ADD3: variants seen among roughly 807,000 people sequenced by gnomAD.
ADD3 encodes gamma-adducin.
A neutral mutation model predicts 80.2 loss-of-function variants in ADD3; 25 were observed. That is an observed-to-expected ratio of 0.31 (90% CI 0.23 to 0.44). The LOEUF (loss-of-function observed/expected upper bound fraction) is 0.44. Ranked by LOEUF, ADD3 falls within the 20% of genes least tolerant of loss-of-function variation. The pLI, the probability that ADD3 is intolerant of heterozygous loss-of-function variation, is 1.00. For synonymous variants in ADD3, 284 were observed against 289.6 expected (o/e 0.98, Z 0.20); for missense variants, 829 against 847.5 (o/e 0.98, Z 0.27).
intron 14 of ADD3, 188 bp downstream of exon 14, chr10:110,132,588 AT>A (rs1342253792): frequency 3.6e-6 from 2 of 558,616 alleles, no homozygotes; most frequent in Non-Finnish European, 6.3e-6. Context: ...CAGCATTTAT[AT>A]TGATTTACCT....
Position 110,130,411 on chromosome 10 carries a change from C to T in ADD3, c.1657C>T (p.Pro553Ser), listed in dbSNP as rs1374624285. 6.2e-7 allele frequency: 1 copy of T among 1,613,988 alleles called. No homozygotes were observed. The highest frequency in any genetic ancestry group is 1.7e-5 in the Admixed American group (1 of 60,020). Residue 553 changes from proline to serine, a missense_variant, in exon 13 of 15, where the codon CCA (proline) becomes TCA (serine). By Grantham distance (74) the Pro-to-Ser change is moderately conservative. Coordinates refer to ENST00000356080, the MANE Select transcript of ADD3 (RefSeq NM_016824.5). Reference protein sequence around the residue: ...DDHGPPAPPNPFSHLTEGELE... With the variant: ...DDHGPPAPPNSFSHLTEGELE... ...TCATGGCCCACCAGCTCCTCCTAAC[C>T]CATTTAGTCATCTCACAGAAGGAGA...
chr10:110,034,764 T>A (rs1449372327), intron 1 of ADD3, among the ~76,000 whole-genome samples: 1 of 152,224 alleles, frequency 6.6e-6, no homozygotes, highest in Non-Finnish European at 1.5e-5. Flanking sequence ...CTGAGAATGT[T>A]TTTTAAAAAA....
At chr10:110,107,978 C>G (rs910553405) in intron 2 of ADD3, among the ~76,000 whole-genome samples, 13 of 152,132 alleles carry the variant, frequency 8.5e-5, no homozygotes, top group Admixed American at 7.2e-4. Flanking sequence ...ACCTCCTCTT[C>G]TATGCTCTTC....
rs568075003 is a variant in ADD3 at position 110,134,348 on chromosome 10, T to A, written c.*730T>A. On this transcript the variant is annotated 3_prime_UTR_variant, in exon 15 of 15. Coordinates refer to ENST00000356080, the MANE Select transcript of ADD3 (RefSeq NM_016824.5). ...ACTCTGGCAAAAAAAAAAAAAAAAA[T>A]TTTGTATGTTGATGTTTGTATACCG... The A allele has an allele frequency of 2.7e-3, 400 of 150,350 alleles. No individual in the cohort carries two copies. Among genetic ancestry groups the A allele is most frequent in the Non-Finnish European group, 4.0e-3 (271 of 67,344 alleles). The allele number at this position is 150,350 out of a possible 1,614,324, so 9.3% of individuals were successfully genotyped here. A position where few individuals can be genotyped will look rare whatever the true frequency, so the allele number is the denominator to read the frequency against.
At chr10:110,031,694 C>T (rs1453698841) in intron 1 of ADD3, among the ~76,000 whole-genome samples, 1 of 151,490 alleles carries the variant, frequency 6.6e-6, no homozygotes, top group East Asian at 1.9e-4. Flanking sequence ...ACCCTCCTAC[C>T]CTATCTGGTA....
chr10:110,123,334 A>C (rs1028619071), intron 9 of ADD3, among the ~76,000 whole-genome samples: 1 of 152,216 alleles, frequency 6.6e-6, no homozygotes, highest in Admixed American at 6.5e-5. Context: ...ATTGCTACCA[A>C]CAGTGTGCAA....
intron 1 of ADD3, among the ~76,000 whole-genome samples, chr10:110,011,505 C>T (rs147797887): frequency 6.6e-6 from 1 of 152,070 alleles, no homozygotes; most frequent in African/African-American, 2.4e-5. Flanking sequence ...AACAAGCATG[C>T]GTTGAATTGA....
chr10:110,043,610 T>C (rs1856605219), intron 1 of ADD3, among the ~76,000 whole-genome samples: 1 of 152,212 alleles, frequency 6.6e-6, no homozygotes, highest in African/African-American at 2.4e-5. Context: ...TAAGAGTAGA[T>C]TGGGAAATTG....
intron 1 of ADD3, among the ~76,000 whole-genome samples, chr10:110,042,132 G>T (rs1038491120): frequency 4.6e-5 from 7 of 152,098 alleles, no homozygotes; most frequent in African/African-American, 1.7e-4. Context: ...ATCTTTGTAG[G>T]TAAGTATTTC....
intron 1 of ADD3, among the ~76,000 whole-genome samples, chr10:110,040,781 A>G (rs1856212920): frequency 1.3e-5 from 2 of 152,244 alleles, no homozygotes; most frequent in African/African-American, 4.8e-5. Context: ...GGACTCGGAT[A>G]GAGAGGAAGA....
chr10:110,023,229 G>A (rs1470455753), intron 1 of ADD3, among the ~76,000 whole-genome samples: 1 of 152,142 alleles, frequency 6.6e-6, no homozygotes, highest in African/African-American at 2.4e-5. Context: ...TAAGGGATTA[G>A]TGCCCTTATA....
chr10:110,106,493 C>T (rs542455880), intron 2 of ADD3, among the ~76,000 whole-genome samples: 3 of 151,988 alleles, frequency 2.0e-5, no homozygotes, highest in East Asian at 1.9e-4. Flanking sequence ...TATAGTATTC[C>T]GGAATATGTG....
intron 1 of ADD3, among the ~76,000 whole-genome samples, chr10:110,039,229 C>CA (rs1166368612): frequency 6.9e-6 from 1 of 145,140 alleles, no homozygotes; most frequent in Admixed American, 6.6e-5. Context: ...CCCACTCAGT[C>CA]AGTCCGCTAC....
At chr10:110,114,702 G>A (rs948143642) in intron 3 of ADD3, among the ~76,000 whole-genome samples, 2 of 152,054 alleles carry the variant, frequency 1.3e-5, no homozygotes, top group Non-Finnish European at 2.9e-5. Flanking sequence ...GAAGAGAGAA[G>A]GTAAGAAAAA....
At chr10:110,088,332 G>A (rs150118489) in intron 1 of ADD3, among the ~76,000 whole-genome samples, 1 of 152,298 alleles carries the variant, frequency 6.6e-6, no homozygotes, top group African/African-American at 2.4e-5. Flanking sequence ...TCCGTTTTGA[G>A]AAACAGATTT....
upstream of ADD3, among the ~76,000 whole-genome samples, chr10:110,007,657 C>A (rs1026234685): frequency 6.6e-6 from 1 of 152,184 alleles, no homozygotes; most frequent in African/African-American, 2.4e-5. Context: ...CCGAACCAGG[C>A]CCTCCCGGCT....
At chr10:110,015,520 C>G (rs546138386) in intron 1 of ADD3, among the ~76,000 whole-genome samples, 24 of 151,918 alleles carry the variant, frequency 1.6e-4, no homozygotes, top group Non-Finnish European at 2.1e-4. Flanking sequence ...GAACTACAAG[C>G]ACCCACCACC....
chr10:110,111,027 T>C (rs1415264241), intron 2 of ADD3, among the ~76,000 whole-genome samples: 1 of 151,996 alleles, frequency 6.6e-6, no homozygotes, highest in East Asian at 1.9e-4. Flanking sequence ...TTACCCACCC[T>C]CTCAGAAAGG....
chr10:110,119,908 T>C (rs1851242933), intron 8 of ADD3, among the ~76,000 whole-genome samples: 1 of 152,182 alleles, frequency 6.6e-6, no homozygotes, highest in Non-Finnish European at 1.5e-5. Flanking sequence ...ATCAAATGTG[T>C]TGTGGTCACT....
Sources: gnomAD v4.1 joint callset for allele counts (sites outside exome capture counted in the v4.1 genomes callset) on GRCh38, gnomAD v4.1.1 for gene constraint, MANE v1.5 for transcripts, NCBI Gene and HGNC (gene_info 2026-07-23, HGNC 2026-07-21) for gene names.